The following UPF2 variants were observed in gnomAD, a reference collection of about 807,000 sequenced individuals.
UPF2 encodes UPF2 regulator of nonsense mediated mRNA decay.
A neutral mutation model predicts 141.4 loss-of-function variants in UPF2; 17 were observed. The observed-to-expected ratio is 0.12, with a 90% CI of 0.08 to 0.18. The LOEUF (loss-of-function observed/expected upper bound fraction) is 0.18. Among genes scored for constraint, UPF2 ranks in the 10% least tolerant of loss-of-function variants. UPF2 has a pLI of 1.00. For synonymous variants in UPF2, 540 were observed against 498.0 expected (o/e 1.08, Z -1.12); for missense variants, 1,152 against 1,515.9 (o/e 0.76, Z 3.99).
intron 3 of UPF2, chr10:12,026,653 T>C: frequency 2.2e-6 from 1 of 452,436 alleles, no homozygotes; most frequent in Non-Finnish European, 4.4e-6. Context: ...AAACTTTTTT[T>C]TTTTTTTTTT....
chr10:11,989,559 T>C (rs1318555285), intron 8 of UPF2, among the ~76,000 whole-genome samples: 1 of 152,218 alleles, frequency 6.6e-6, no homozygotes, highest in Non-Finnish European at 1.5e-5. Flanking sequence ...GTATTTCTTT[T>C]ATTGTTTTCA....
intron 9 of UPF2, 98 bp downstream of exon 9, chr10:11,978,959 A>T: frequency 9.8e-7 from 1 of 1,022,960 alleles, no homozygotes; most frequent in Non-Finnish European, 1.4e-6. Context: ...ACCACTATCA[A>T]ATTTCAAGAA....
intron 3 of UPF2, among the ~76,000 whole-genome samples, chr10:12,024,942 A>AAAC (rs1391975115): frequency 6.8e-6 from 1 of 147,990 alleles, no homozygotes; most frequent in Non-Finnish European, 1.5e-5. Context: ...AAAAAAAAAA[A>AAAC]AAAAAAAAAA....
chr10:12,024,744 G>A (rs1034665614), intron 3 of UPF2, among the ~76,000 whole-genome samples: 1 of 151,888 alleles, frequency 6.6e-6, no homozygotes, highest in African/African-American at 2.4e-5. Flanking sequence ...ATCAGCCTGA[G>A]CAACATAGGG....
At chr10:12,010,988 A>T (rs1834117384) in intron 4 of UPF2, among the ~76,000 whole-genome samples, 1 of 152,098 alleles carries the variant, frequency 6.6e-6, no homozygotes, top group African/African-American at 2.4e-5. Context: ...CTGAAAAAAA[A>T]ATTTTTTTTA....
At chr10:11,983,756 G>A (rs1279072815) in intron 8 of UPF2, among the ~76,000 whole-genome samples, 1 of 152,102 alleles carries the variant, frequency 6.6e-6, no homozygotes, top group Admixed American at 6.5e-5. Context: ...ACTCAAAAGT[G>A]AGATTGGTCA....
chr10:12,031,183 A>AG (rs1389161183), intron 2 of UPF2, among the ~76,000 whole-genome samples: 1 of 151,522 alleles, frequency 6.6e-6, no homozygotes, highest in African/African-American at 2.4e-5. Flanking sequence ...CAAAAAAAAA[A>AG]AAAAAAACAA....
chr10:12,004,570 T>C lies in UPF2; in HGVS notation c.1464A>G (p.Lys488=), dbSNP rs747463570. ...TGTTGGACTCTTTATTCTGACAACTTTTTTCATTGTCTTTAAACAAGATGG... is the reference window on the plus strand; with the variant it reads ...TGTTGGACTCTTTATTCTGACAACTCTTTTCATTGTCTTTAAACAAGATGG... The part of the protein sequence containing the change: ...VPAILFKDNE[K]SCQNKESNKD... The change falls in exon 5 of 22, where the codon AAA becomes AAG. Residue 488 remains lysine, a synonymous_variant. Coordinates refer to ENST00000357604, the MANE Select transcript of UPF2 (RefSeq NM_015542.4). 1 of 1,613,750 alleles carries C rather than the reference T, an allele frequency of 6.2e-7. No individual in the cohort carries two copies. Among genetic ancestry groups the C allele is most frequent in the Non-Finnish European group, 8.5e-7 (1 of 1,179,852 alleles).
intron 3 of UPF2, among the ~76,000 whole-genome samples, chr10:12,018,086 C>T (rs1301465996): frequency 6.6e-6 from 1 of 152,208 alleles, no homozygotes; most frequent in East Asian, 1.9e-4. Flanking sequence ...ACTAAATCCA[C>T]AGCATGCAGT....
intron 8 of UPF2, among the ~76,000 whole-genome samples, chr10:11,983,737 T>G (rs1309869231): frequency 6.6e-6 from 1 of 152,174 alleles, no homozygotes; most frequent in Non-Finnish European, 1.5e-5. Flanking sequence ...TTGGAATTTT[T>G]TTATTGACAC....
chr10:12,004,699 T>C lies in UPF2; in HGVS notation c.1335A>G (p.Thr445=), dbSNP rs745962336. ...AGTCATATTCTCCAGGTTTACCAGGTGTGAATATATCAATTCCAGGCCCAT... is the reference window on the plus strand; with the variant it reads ...AGTCATATTCTCCAGGTTTACCAGGCGTGAATATATCAATTCCAGGCCCAT... ...EEHGPGIDIF[T]PGKPGEYDLE... The change falls in exon 5 of 22, where the codon ACA becomes ACG. Residue 445 remains threonine (T), a synonymous_variant. Transcript: ENST00000357604. 2 of 1,613,638 alleles carry C rather than the reference T, an allele frequency of 1.2e-6. No individual in the cohort carries two copies. Among genetic ancestry groups the C allele is most frequent in the South Asian group, 2.2e-5 (2 of 90,992 alleles).
At chr10:11,965,438 A>G (rs1833303114) in intron 10 of UPF2, among the ~76,000 whole-genome samples, 1 of 152,070 alleles carries the variant, frequency 6.6e-6, no homozygotes, top group Non-Finnish European at 1.5e-5. Context: ...TATCCCTTCA[A>G]TATTTACAAT....
At chr10:12,024,880 GC>G (rs1834387086) in intron 3 of UPF2, among the ~76,000 whole-genome samples, 1 of 126,828 alleles carries the variant, frequency 7.9e-6, no homozygotes, top group Non-Finnish European at 1.6e-5. Flanking sequence ...GCTACACTGA[GC>G]CATGATCACA....
intron 15 of UPF2, among the ~76,000 whole-genome samples, chr10:11,950,928 T>C (rs1460661647): frequency 6.6e-6 from 1 of 152,228 alleles, no homozygotes; most frequent in Non-Finnish European, 1.5e-5. Flanking sequence ...TCTTCAGATA[T>C]GCGATGTCGT....
intron 16 of UPF2, among the ~76,000 whole-genome samples, chr10:11,946,839 C>T (rs899070052): frequency 6.6e-6 from 1 of 152,130 alleles, no homozygotes; most frequent in Non-Finnish European, 1.5e-5. Context: ...CTCAGCCTCC[C>T]GAGTAGCTGG....
chr10:11,930,169 G>C (rs1212775455), intron 20 of UPF2, among the ~76,000 whole-genome samples, 184 bp from the exon 21 acceptor site: 1 of 152,212 alleles, frequency 6.6e-6, no homozygotes, highest in Admixed American at 6.5e-5. Context: ...CAAGAGAGGA[G>C]ACTCTTTTAA....
rs985081192 is a variant in UPF2 at position 12,016,106 on chromosome 10, A to G, written c.1146-1922T>C. 5.9e-5 allele frequency among the ~76,000 whole-genome samples: 9 copies of G among 152,134 alleles called. No homozygotes were observed. The highest frequency in any genetic ancestry group is 2.2e-4 in the African/African-American group (9 of 41,460). On this transcript the variant is annotated intron_variant, in intron 3 of 21. Transcript: ENST00000357604. The surrounding 1 kb of genome is among the most constrained non-coding windows in gnomAD (Gnocchi z 4.1). Reference sequence around the variant, plus strand: ...TTAAAACAAAAACCCATAGCATTTTAACATACTCATACCTATGAAAGACAC... The same window carrying G: ...TTAAAACAAAAACCCATAGCATTTTGACATACTCATACCTATGAAAGACAC...
chr10:11,964,094 A>G lies in UPF2; in HGVS notation c.2099T>C (p.Ile700Thr). 1 of 1,613,726 alleles carries G rather than the reference A, an allele frequency of 6.2e-7. No homozygotes were observed. Among genetic ancestry groups the G allele is most frequent in the Non-Finnish European group, 8.5e-7 (1 of 1,179,822 alleles). The change falls in exon 11 of 22, where the codon ATT (isoleucine) becomes ACT (threonine). Residue 700 changes from isoleucine to threonine, a missense_variant. This residue lies in a region of UPF2 where 739 missense variants were observed against 1,032.2 expected (regional missense o/e 0.72). Coordinates refer to ENST00000357604, the MANE Select transcript of UPF2 (RefSeq NM_015542.4). The stretch of plus-strand genomic sequence containing the variant: ...CTCCAGCAGGGTGCATGCCATTTCA[A>G]TATGGTGATGAGAGAAGTCTGACAG... ...MLLSDFSHHH[I>T]EMACTLLETC...
At chr10:11,977,427 T>C (rs768959002) in intron 9 of UPF2, among the ~76,000 whole-genome samples, 2 of 152,162 alleles carry the variant, frequency 1.3e-5, no homozygotes, top group Non-Finnish European at 2.9e-5. Flanking sequence ...TCTTCCCTTG[T>C]AATGAAGCAT....
Sources: gnomAD v4.1 joint callset for allele counts (sites outside exome capture counted in the v4.1 genomes callset) on GRCh38, gnomAD v4.1.1 for gene constraint, gnomAD v4.1.1 regional missense constraint, Gnocchi (gnomAD v3.1) non-coding constraint, MANE v1.5 for transcripts, NCBI Gene and HGNC (gene_info 2026-07-23, HGNC 2026-07-21) for gene names.